The following TANC1 variants were observed in gnomAD, a reference collection of about 807,000 sequenced individuals.
TANC1 encodes protein TANC1.
Under a neutral mutation model 149.7 loss-of-function variants are expected in TANC1, and 77 were observed. The ratio of observed to expected loss-of-function variants is 0.51; its 90% CI spans 0.43 to 0.62. The LOEUF (loss-of-function observed/expected upper bound fraction) is 0.62, where lower values mean the gene tolerates loss of function less well. Among genes scored for constraint, TANC1 ranks in the 20% least tolerant of loss-of-function variants. TANC1 has a pLI of 0.00. For synonymous variants in TANC1, 854 were observed against 925.0 expected (o/e 0.92, Z 1.39); for missense variants, 1,985 against 2,321.8 (o/e 0.85, Z 2.98).
rs2057878891 is a variant in TANC1 at position 159,196,695 on chromosome 2, T to C, written c.3067T>C (p.Cys1023Arg). The change falls in exon 18 of 27, where the codon TGT (cysteine) becomes CGT (arginine). Residue 1023 changes from cysteine to arginine, a missense_variant. Cys to Arg is a radical substitution (Grantham distance 180, BLOSUM62 -3). Around this residue, in one of 3 missense-constraint regions of TANC1, gnomAD observed 508 missense variants for 714.2 expected, o/e 0.71. Coordinates refer to ENST00000263635, the MANE Select transcript of TANC1 (RefSeq NM_033394.3). ...HGDILQYLLT[C>R]EWSPGPPQPG... ...TGACATTCTCCAGTACCTGCTGACTTGTGAGTGGTCGCCGGGTCCTCCCCA... is the reference window on the plus strand; with the variant it reads ...TGACATTCTCCAGTACCTGCTGACTCGTGAGTGGTCGCCGGGTCCTCCCCA... 1 of 1,614,022 alleles carries C rather than the reference T, an allele frequency of 6.2e-7. No homozygotes were observed. Among genetic ancestry groups the C allele is most frequent in the African/African-American group, 1.3e-5 (1 of 75,044 alleles).
intron 1 of TANC1, among the ~76,000 whole-genome samples, chr2:158,999,749 G>A (rs1354985649): frequency 1.3e-5 from 2 of 152,192 alleles, no homozygotes; most frequent in Non-Finnish European, 2.9e-5. Flanking sequence ...GTCAATTGGT[G>A]AAACATTTCA....
chr2:159,007,153 T>G (rs939054955), intron 2 of TANC1, among the ~76,000 whole-genome samples: 4 of 146,984 alleles, frequency 2.7e-5, no homozygotes, highest in Admixed American at 6.7e-5. Flanking sequence ...TTTTTTTTTT[T>G]TTTTTTTTTT....
intron 2 of TANC1, among the ~76,000 whole-genome samples, chr2:159,025,086 A>G (rs2039152980): frequency 6.6e-6 from 1 of 152,172 alleles, no homozygotes; most frequent in South Asian, 2.1e-4. Context: ...AACTATGGTC[A>G]AGAAAATTAA....
At chr2:158,983,464 C>T (rs79674322) in intron 1 of TANC1, among the ~76,000 whole-genome samples, 5,435 of 100,624 alleles carry the variant, frequency 0.054, 173 homozygotes, top group East Asian at 0.16. Context: ...AAGACTCCGT[C>T]TCCCAAAAAA....
chr2:158,973,378 G>A (rs142510805), intron 1 of TANC1, among the ~76,000 whole-genome samples: 1 of 152,166 alleles, frequency 6.6e-6, no homozygotes, highest in African/African-American at 2.4e-5. Flanking sequence ...GAGTAGGGAA[G>A]TCTCTCAGAA....
At chr2:159,062,724 T>C (rs2042321828) in intron 2 of TANC1, among the ~76,000 whole-genome samples, 1 of 151,540 alleles carries the variant, frequency 6.6e-6, no homozygotes, top group Non-Finnish European at 1.5e-5. Flanking sequence ...TCCCAGCACT[T>C]TGGGAGGCCG....
rs2060251912 is a variant in TANC1, at chr2:159,229,968, G to A, written c.4542G>A (p.Leu1514=). Residue 1514 remains leucine, a synonymous_variant, in exon 27 of 27, where the codon CTG becomes CTA. Coordinates refer to ENST00000263635, the MANE Select transcript of TANC1 (RefSeq NM_033394.3). The part of the protein sequence containing the change: ...PQSRAGIGKS[L]REPVAQPGLL... ...GCAGGGCAGGAATCGGCAAGTCCCT[G>A]AGAGAGCCTGTGGCCCAGCCAGGGC... 3.7e-6 allele frequency: 6 copies of A among 1,614,040 alleles called. No individual in the cohort carries two copies. Among genetic ancestry groups the A allele is most frequent in the Non-Finnish European group, 3.4e-6 (4 of 1,180,030 alleles).
chr2:159,213,681 A>C (rs1317923946), intron 19 of TANC1, among the ~76,000 whole-genome samples: 1 of 152,132 alleles, frequency 6.6e-6, no homozygotes, highest in Non-Finnish European at 1.5e-5. Flanking sequence ...TCAGTGATGC[A>C]GATGGCAATA....
At chr2:159,149,013 C>T in intron 5 of TANC1, 129 bp from the exon 6 acceptor site, 1 of 1,116,512 alleles carries the variant, frequency 9.0e-7, no homozygotes, top group African/African-American at 1.6e-5. Context: ...GGTGCGTTGT[C>T]CAACTTTGTG....
intron 19 of TANC1, among the ~76,000 whole-genome samples, chr2:159,216,559 C>G (rs1575317562): frequency 6.6e-6 from 1 of 152,344 alleles, no homozygotes; most frequent in Middle Eastern, 3.4e-3. Flanking sequence ...ACTCTTCGAA[C>G]TACACCCCCT....
chr2:158,978,687 A>T (rs2033968654), intron 1 of TANC1, among the ~76,000 whole-genome samples: 1 of 152,146 alleles, frequency 6.6e-6, no homozygotes, highest in Admixed American at 6.5e-5. Flanking sequence ...CCACTGGGAG[A>T]TGGGAGGTGA....
rs2059912886 is a variant in TANC1, at chr2:159,224,690, ACT to A, written c.3811+329_3811+330del. On this transcript the variant is annotated intron_variant, in intron 23 of 26. Coordinates refer to ENST00000263635, the MANE Select transcript of TANC1 (RefSeq NM_033394.3). ...GTGCTGCTGAAAGCTCCCCCAGGTGACTCTGAGCAGCAGCGGAGGCTGAGCCA... is the reference window on the plus strand; with the variant it reads ...GTGCTGCTGAAAGCTCCCCCAGGTGACTGAGCAGCAGCGGAGGCTGAGCCA... 5 of 274,648 alleles carry A rather than the reference ACT, an allele frequency of 1.8e-5. No individual in the cohort carries two copies. The South Asian group carries it at 3.3e-4, about 18-fold the overall frequency. 17.0% of individuals were successfully genotyped at this position (274,648 alleles called of 1,614,324 possible). A position where few individuals can be genotyped will look rare whatever the true frequency, so the allele number is the denominator to read the frequency against.
intron 3 of TANC1, among the ~76,000 whole-genome samples, chr2:159,067,592 A>G (rs1235325107): frequency 6.6e-6 from 1 of 152,208 alleles, no homozygotes; most frequent in Non-Finnish European, 1.5e-5. Context: ...TAACAACAAA[A>G]AACTTTTTCA....
intron 4 of TANC1, among the ~76,000 whole-genome samples, chr2:159,132,307 C>T (rs1323620876): frequency 6.6e-6 from 1 of 152,028 alleles, no homozygotes; most frequent in East Asian, 1.9e-4. Flanking sequence ...TCTAGGTCTC[C>T]TTTCGTATGT....
chr2:159,224,462 G>C (rs958669915), intron 23 of TANC1, 98 bp downstream of exon 23: 1 of 1,393,812 alleles, frequency 7.2e-7, no homozygotes, highest in African/African-American at 1.4e-5. Flanking sequence ...AGGTTAGGAA[G>C]TAAGATGTCA....
Position 159,231,059 on chromosome 2 carries a change from C to G in TANC1, c.*47C>G, listed in dbSNP as rs1368387876. 7.1e-7 allele frequency: 1 copy of G among 1,410,760 alleles called. No individual in the cohort carries two copies. The highest frequency in any genetic ancestry group is 2.3e-5 in the East Asian group (1 of 43,534). 87.4% of individuals were successfully genotyped at this position (1,410,760 alleles called of 1,614,324 possible). A position where few individuals can be genotyped will look rare whatever the true frequency, so the allele number is the denominator to read the frequency against. Reference sequence around the variant, plus strand: ...TGGAATTTGGAAACGTGTGTTGACTCCTGGTGGTAAATTAAATAGTTTTTT... The same window carrying G: ...TGGAATTTGGAAACGTGTGTTGACTGCTGGTGGTAAATTAAATAGTTTTTT... On this transcript the variant is annotated 3_prime_UTR_variant, in exon 27 of 27. Transcript: ENST00000263635.
intron 1 of TANC1, among the ~76,000 whole-genome samples, chr2:158,974,152 T>G (rs1290295486): frequency 6.6e-6 from 1 of 152,208 alleles, no homozygotes; most frequent in East Asian, 1.9e-4. Flanking sequence ...TGTGTTCTGG[T>G]CCTCCTTGCT....
At chr2:159,031,464 T>C (rs964317087) in intron 2 of TANC1, among the ~76,000 whole-genome samples, 7 of 152,230 alleles carry the variant, frequency 4.6e-5, no homozygotes, top group African/African-American at 1.7e-4. Context: ...TATTCAATCA[T>C]GAGCTTGAAA....
intron 19 of TANC1, among the ~76,000 whole-genome samples, chr2:159,214,871 TGTG>T (rs1187593953): frequency 2.0e-5 from 3 of 152,096 alleles, no homozygotes; most frequent in African/African-American, 7.2e-5. Context: ...TCTGGAGAAA[TGTG>T]GTGGCCTCCT....
Sources: allele counts gnomAD v4.1 joint callset (sites outside exome capture counted in the v4.1 genomes callset), GRCh38; gene constraint gnomAD v4.1.1; regional missense constraint gnomAD v4.1.1; transcripts MANE v1.5; gene names NCBI Gene and HGNC (gene_info 2026-07-23, HGNC 2026-07-21).